RGS6: variants seen among roughly 807,000 people sequenced by gnomAD.
RGS6 encodes regulator of G-protein signaling 6.
RGS6 carries 30 observed loss-of-function variants against 78.5 expected under a neutral mutation model. That is an observed-to-expected ratio of 0.38 (90% CI 0.29 to 0.52). The LOEUF (loss-of-function observed/expected upper bound fraction) is 0.52, where lower values mean the gene tolerates loss of function less well. Among genes scored for constraint, RGS6 ranks in the 20% least tolerant of loss-of-function variants. The pLI is 0.85. For missense variants in RGS6, 495 were observed against 609.7 expected (o/e 0.81, Z 1.98); for synonymous variants, 206 against 206.0 (o/e 1.00, Z 0.00).
At chr14:72,015,992 A>G (rs2086870625) in intron 2 of RGS6, among the ~76,000 whole-genome samples, 1 of 150,638 alleles carries the variant, frequency 6.6e-6, no homozygotes, top group Admixed American at 6.6e-5. Context: ...TATCTTTACT[A>G]CTCTGTGGCT....
At chr14:72,589,603 T>TAC in the RGS6 span, among the ~76,000 whole-genome samples, 1 of 151,948 alleles carries the variant, frequency 6.6e-6, no homozygotes, top group Admixed American at 6.6e-5. Context: ...TCACTATATA[T>TAC]ATATATCAAA....
intron 1 of RGS6, among the ~76,000 whole-genome samples, chr14:71,940,404 G>A (rs1339930801): frequency 2.6e-5 from 4 of 152,172 alleles, no homozygotes; most frequent in East Asian, 1.9e-4. Context: ...ATGAGGAGCC[G>A]TGATTCTCTG....
At chr14:72,596,017 C>T in the RGS6 span, among the ~76,000 whole-genome samples, 1 of 152,202 alleles carries the variant, frequency 6.6e-6, no homozygotes, top group African/African-American at 2.4e-5. Flanking sequence ...CTCAGGGGAA[C>T]AGAATACCAG....
At chr14:71,973,536 T>C (rs2093937222) in intron 2 of RGS6, among the ~76,000 whole-genome samples, 1 of 152,018 alleles carries the variant, frequency 6.6e-6, no homozygotes, top group South Asian at 2.1e-4. Context: ...AATACAAAAA[T>C]TGGCCAGGCA....
intron 17 of RGS6, among the ~76,000 whole-genome samples, chr14:72,556,972 C>A (rs1413870554): frequency 6.6e-6 from 1 of 152,138 alleles, no homozygotes; most frequent in African/African-American, 2.4e-5. Flanking sequence ...TAAGCCCCTG[C>A]GAGAGTTGAG....
the RGS6 span, among the ~76,000 whole-genome samples, chr14:71,869,302 T>A: frequency 1.3e-5 from 2 of 152,216 alleles, no homozygotes; most frequent in African/African-American, 2.4e-5. Flanking sequence ...AGGTTTCTTA[T>A]CTGCATTATA....
At chr14:72,560,639 A>G (rs2097659637) in intron 17 of RGS6, among the ~76,000 whole-genome samples, 1 of 152,196 alleles carries the variant, frequency 6.6e-6, no homozygotes, top group African/African-American at 2.4e-5. Context: ...AGGAGTAGTC[A>G]TTCTTAGTGA....
At chr14:72,101,499 A>G (rs1349298196) in intron 2 of RGS6, among the ~76,000 whole-genome samples, 9 of 152,230 alleles carry the variant, frequency 5.9e-5, no homozygotes, top group Non-Finnish European at 1.3e-4. Context: ...CTCTAGTAAC[A>G]TACAACCATC....
intron 2 of RGS6, among the ~76,000 whole-genome samples, chr14:72,338,889 T>C (rs2076498522): frequency 6.6e-6 from 1 of 152,218 alleles, no homozygotes; most frequent in South Asian, 2.1e-4. Context: ...ATGAACATTA[T>C]TGAGGAGTGA....
intron 2 of RGS6, among the ~76,000 whole-genome samples, chr14:72,083,846 A>G (rs1484159951): frequency 3.3e-5 from 5 of 152,160 alleles, no homozygotes; most frequent in Non-Finnish European, 7.4e-5. Context: ...CGAATTAAAC[A>G]TTGATTGCCC....
At chr14:72,270,819 T>C (rs2059822977) in intron 2 of RGS6, among the ~76,000 whole-genome samples, 1 of 152,230 alleles carries the variant, frequency 6.6e-6, no homozygotes, top group African/African-American at 2.4e-5. Context: ...CACAAAAAAC[T>C]TTTGAATGCA....
rs201715633 is a variant in RGS6, at chr14:72,470,647, G to GA, written c.536+564_536+565insA. ...AATCCCAGCACTTTGTGAGACCGAG[G>GA]TGGGGGTGGATCACCTGAGGTCAGG... On this transcript the variant is annotated intron_variant, in intron 8 of 17. Coordinates refer to ENST00000553525, the MANE Select transcript of RGS6 (RefSeq NM_001204424.2). Among the ~76,000 whole-genome samples the GA allele has an allele frequency of 7.1e-3, 1,085 of 152,038 alleles. 4 individuals carry two copies. The highest frequency in any genetic ancestry group is 0.017 in the African/African-American group (696 of 41,448).
At chr14:72,170,102 A>G (rs933231355) in intron 2 of RGS6, among the ~76,000 whole-genome samples, 3 of 152,162 alleles carry the variant, frequency 2.0e-5, no homozygotes, top group Non-Finnish European at 2.9e-5. Flanking sequence ...GAGGTCACTG[A>G]GATTTTGGAG....
intron 1 of RGS6, among the ~76,000 whole-genome samples, chr14:71,934,984 C>T (rs1293946977): frequency 6.6e-6 from 1 of 152,174 alleles, no homozygotes; most frequent in Non-Finnish European, 1.5e-5. Context: ...ATTAATTTTT[C>T]CTTTAGCTTT....
intron 2 of RGS6, among the ~76,000 whole-genome samples, chr14:72,192,980 G>GTT (rs35795281): frequency 3.3e-4 from 46 of 140,162 alleles, no homozygotes; most frequent in East Asian, 2.3e-3. Flanking sequence ...GCTGGGTTGG[G>GTT]TTTTTTTTTT....
intron 2 of RGS6, among the ~76,000 whole-genome samples, chr14:71,969,860 C>A (rs1057078929): frequency 6.6e-6 from 1 of 152,120 alleles, no homozygotes; most frequent in African/African-American, 2.4e-5. Context: ...ACTTTTTGAT[C>A]TTTCGTAAAT....
the RGS6 span, among the ~76,000 whole-genome samples, chr14:72,623,617 T>C: frequency 6.6e-6 from 1 of 152,206 alleles, no homozygotes; most frequent in Non-Finnish European, 1.5e-5. Context: ...TTTTGTAACA[T>C]GGTTGAAAGA....
intron 2 of RGS6, among the ~76,000 whole-genome samples, chr14:72,304,228 G>T (rs543197524): frequency 6.6e-6 from 1 of 152,184 alleles, no homozygotes; most frequent in Non-Finnish European, 1.5e-5. Context: ...AGTAAACCAC[G>T]ATCTGTCTCT....
intron 2 of RGS6, among the ~76,000 whole-genome samples, chr14:72,014,697 AC>A (rs1167086950): frequency 1.1e-3 from 175 of 152,362 alleles, no homozygotes; most frequent in Non-Finnish European, 1.0e-4. Flanking sequence ...CCAGATAGGC[AC>A]GTTCCCAGCA....
Sources: allele counts gnomAD v4.1 joint callset (sites outside exome capture counted in the v4.1 genomes callset), GRCh38; gene constraint gnomAD v4.1.1; transcripts MANE v1.5; gene names NCBI Gene and HGNC (gene_info 2026-07-23, HGNC 2026-07-21).